ARFGEF3: variants seen among roughly 807,000 people sequenced by gnomAD.
The protein encoded by ARFGEF3 is brefeldin A-inhibited guanine nucleotide-exchange protein 3.
A neutral mutation model predicts 221.7 loss-of-function variants in ARFGEF3; 96 were observed. The ratio of observed to expected loss-of-function variants is 0.43; its 90% CI spans 0.37 to 0.51. ARFGEF3 has a LOEUF of 0.51. Ranked by LOEUF, ARFGEF3 falls within the 20% of genes least tolerant of loss-of-function variation. The pLI, the probability that ARFGEF3 is intolerant of heterozygous loss-of-function variation, is 0.00. For synonymous variants in ARFGEF3, 1,145 were observed against 1,126.8 expected, an observed-to-expected ratio of 1.02 and a Z score of -0.32; for missense variants, 2,410 against 2,789.9, an observed-to-expected ratio of 0.86 and a Z score of 3.07.
At chr6:138,270,770 A>AGT (rs1410729725) in intron 12 of ARFGEF3, among the ~76,000 whole-genome samples, 1 of 152,154 alleles carries the variant, frequency 6.6e-6, no homozygotes, top group African/African-American at 2.4e-5. Context: ...AGAACACTGG[A>AGT]GTGGGGTGAA....
chr6:138,240,279 C>T (rs942001799), intron 6 of ARFGEF3, among the ~76,000 whole-genome samples: 2 of 152,076 alleles, frequency 1.3e-5, no homozygotes, highest in South Asian at 4.2e-4. Flanking sequence ...ATAATATACA[C>T]TCATATTTCA....
At chr6:138,208,003 A>G (rs562668530) in intron 3 of ARFGEF3, among the ~76,000 whole-genome samples, 1 of 152,358 alleles carries the variant, frequency 6.6e-6, no homozygotes, top group South Asian at 2.1e-4. Flanking sequence ...TTTAAACATT[A>G]GCAATAATGT....
intron 2 of ARFGEF3, among the ~76,000 whole-genome samples, chr6:138,189,191 G>C (rs1441053052): frequency 2.0e-5 from 3 of 152,136 alleles, no homozygotes; most frequent in African/African-American, 7.2e-5. Flanking sequence ...GGAAACACCT[G>C]TTTTAAATGA....
At position 138,182,174 on chromosome 6, in the gene ARFGEF3, G is replaced by C. The variant is rs554105372; in HGVS notation, c.137+11461G>C. On this transcript the variant is annotated intron_variant, in intron 2 of 33. Coordinates refer to ENST00000251691, the MANE Select transcript of ARFGEF3 (RefSeq NM_020340.5). ...GTAGCTGGCCAAGCTCCTTGAGCCA[G>C]TCCAGGGCAGAGCCAGGGCTGCTGG... 2.0e-5 allele frequency among the ~76,000 whole-genome samples: 3 copies of C among 152,364 alleles called. No individual in the cohort carries two copies. In the East Asian group the frequency reaches 5.8e-4, roughly 29 times the overall value.
Position 138,324,104 on chromosome 6 carries a change from TC to T in ARFGEF3, c.4955del (p.Pro1652GlnfsTer65). 1 of 1,613,706 alleles carries T rather than the reference TC, an allele frequency of 6.2e-7. No homozygotes were observed. On this transcript the variant is annotated frameshift_variant, in exon 31 of 34. Coordinates refer to ENST00000251691, the MANE Select transcript of ARFGEF3 (RefSeq NM_020340.5). LOFTEE classifies it high-confidence loss of function. Reference protein sequence around the residue: ...CQVRVAAPSSSPSAEAEYWRI... With the variant: ...CQVRVAAPSSXPSAEAEYWRI... ...GGTGCGAGTGGCGGCCCCGTCCTCC[TC>T]CCCAAGTGCCGAGGCCGAGTACTGG...
chr6:138,278,396 G>A (rs1047533787), intron 12 of ARFGEF3, 55 bp from the exon 13 acceptor site: 2 of 1,557,390 alleles, frequency 1.3e-6, no homozygotes, highest in Non-Finnish European at 1.8e-6. Context: ...CTGGAAGCCA[G>A]CCTTGCCAAG....
intron 5 of ARFGEF3, among the ~76,000 whole-genome samples, 180 bp downstream of exon 5, chr6:138,230,032 T>C (rs1181647825): frequency 6.6e-6 from 1 of 152,134 alleles, no homozygotes; most frequent in African/African-American, 2.4e-5. Context: ...CCATCCTTAG[T>C]TGTAATGCCA....
intron 12 of ARFGEF3, among the ~76,000 whole-genome samples, chr6:138,270,463 C>CACACACACATAT (rs879929949): frequency 1.6e-5 from 2 of 123,890 alleles, no homozygotes; most frequent in African/African-American, 8.7e-5. Flanking sequence ...CACACACACA[C>CACACACACATAT]ATATATATAT....
intron 22 of ARFGEF3, among the ~76,000 whole-genome samples, chr6:138,299,198 T>TA (rs60475752): frequency 0.13 from 4,944 of 39,240 alleles, 1,030 homozygotes; most frequent in Non-Finnish European, 0.14. Flanking sequence ...CGAGACTCTG[T>TA]AAAAAAAAAA....
intron 32 of ARFGEF3, among the ~76,000 whole-genome samples, chr6:138,331,221 T>C (rs1393200364): frequency 6.6e-6 from 1 of 152,044 alleles, no homozygotes; most frequent in Non-Finnish European, 1.5e-5. Context: ...GCACTTTTAA[T>C]AGGCAATTAC....
At chr6:138,261,471 C>G in intron 10 of ARFGEF3, 56 bp from the exon 11 acceptor site, 1 of 1,048,798 alleles carries the variant, frequency 9.5e-7, no homozygotes, top group Non-Finnish European at 1.4e-6. Flanking sequence ...ATTTAAAAAC[C>G]TTGTGCTTTT....
intron 22 of ARFGEF3, 126 bp downstream of exon 22, chr6:138,298,911 T>TA: frequency 1.3e-6 from 1 of 772,510 alleles, no homozygotes; most frequent in South Asian, 2.0e-5. Flanking sequence ...ACGGAGAAGT[T>TA]AAGCAGGGCT....
Position 138,291,941 on chromosome 6 carries a change from G to T in ARFGEF3, c.3256G>T (p.Asp1086Tyr). The stretch of plus-strand genomic sequence containing the variant: ...TGTCGTCCAGCCCCTGTCCATCCAG[G>T]ACCTCGTCCGGGAAGGCAGCCGGGG... ...APVVQPLSIQ[D>Y]LVREGSRGRA... is the part of the protein sequence containing the mutation. The change falls in exon 19 of 34, where the codon GAC becomes TAC. Residue 1086 changes from aspartate (D) to tyrosine (Y), a missense_variant. By Grantham distance (160) the Asp-to-Tyr change is radical. Transcript: ENST00000251691. This position sits in a 1 kb window ranked among gnomAD's most constrained non-coding sequence, Gnocchi z 4.5. 6.6e-7 allele frequency: 1 copy of T among 1,522,928 alleles called. No individual in the cohort carries two copies. Among genetic ancestry groups the T allele is most frequent in the East Asian group, 2.6e-5 (1 of 38,774 alleles). The allele number at this position is 1,522,928 out of a possible 1,614,324, so 94.3% of individuals were successfully genotyped here.
intron 2 of ARFGEF3, among the ~76,000 whole-genome samples, chr6:138,174,258 T>C (rs932638020): frequency 2.6e-5 from 4 of 152,064 alleles, no homozygotes; most frequent in African/African-American, 9.7e-5. Flanking sequence ...AGAAAAGAGA[T>C]TGAATCAATA....
intron 1 of ARFGEF3, among the ~76,000 whole-genome samples, chr6:138,167,889 G>A (rs1203153825): frequency 3.9e-5 from 6 of 152,130 alleles, no homozygotes; most frequent in African/African-American, 7.2e-5. Flanking sequence ...CTGTCCAGCC[G>A]TACATGGCCT....
intron 20 of ARFGEF3, 71 bp from the exon 21 acceptor site, chr6:138,296,739 T>C: frequency 1.3e-6 from 2 of 1,555,714 alleles, no homozygotes; most frequent in Non-Finnish European, 8.7e-7. Flanking sequence ...TCAACCTCTC[T>C]CTTTGCTTGA....
rs905138245 is a variant in ARFGEF3 at position 138,337,284 on chromosome 6, T to C, written c.*798T>C. 6 of 152,676 alleles carry C rather than the reference T, an allele frequency of 3.9e-5. No individual in the cohort carries two copies. The highest frequency in any genetic ancestry group is 1.4e-4 in the African/African-American group (6 of 41,454). 9.5% of individuals were successfully genotyped at this position (152,676 alleles called of 1,614,324 possible). A position where few individuals can be genotyped will look rare whatever the true frequency, so the allele number is the denominator to read the frequency against. On this transcript the variant is annotated 3_prime_UTR_variant, in exon 34 of 34. Transcript: ENST00000251691. The stretch of plus-strand genomic sequence containing the variant: ...GACCGACCAGCCACCCTGGCTGTTC[T>C]TGTGGTGTTTGTTTCCATCCCCAAG...
At chr6:138,210,327 G>A (rs988297867) in intron 4 of ARFGEF3, among the ~76,000 whole-genome samples, 3 of 152,204 alleles carry the variant, frequency 2.0e-5, no homozygotes, top group Admixed American at 6.5e-5. Context: ...AGTAGTTCCA[G>A]CGTGGGGTAG....
In ARFGEF3 at chr6:138,337,706, C is replaced by T. The variant is rs964377738; in HGVS notation, c.*1220C>T. On this transcript the variant is annotated 3_prime_UTR_variant, in exon 34 of 34. Transcript: ENST00000251691. ...ACCCTATGTTTGATGTCTTTGCATT[C>T]AGACCAATATTTCAGGTGGATATTT... is the stretch of plus-strand genomic sequence containing the variant. The T allele has an allele frequency of 6.6e-6, 1 of 152,192 alleles. No homozygotes were observed. Among genetic ancestry groups the T allele is most frequent in the Non-Finnish European group, 1.5e-5 (1 of 68,030 alleles). The allele number at this position is 152,192 out of a possible 1,614,324, so 9.4% of individuals were successfully genotyped here. A position where few individuals can be genotyped will look rare whatever the true frequency, so the allele number is the denominator to read the frequency against.
Sources: allele counts gnomAD v4.1 joint callset (sites outside exome capture counted in the v4.1 genomes callset), GRCh38; gene constraint gnomAD v4.1.1; non-coding constraint Gnocchi (gnomAD v3.1); transcripts MANE v1.5; gene names NCBI Gene and HGNC (gene_info 2026-07-23, HGNC 2026-07-21).